Variants in VPS13B observed in about 807,000 individuals in gnomAD.
VPS13B encodes intermembrane lipid transfer protein VPS13B.
VPS13B carries 285 observed loss-of-function variants against 426.4 expected under a neutral mutation model. The observed-to-expected ratio is 0.67, with a 90% CI of 0.61 to 0.74. The LOEUF (loss-of-function observed/expected upper bound fraction) is 0.74, where lower values mean the gene tolerates loss of function less well. VPS13B is among the 30% of genes least tolerant of loss of function. The probability of loss-of-function intolerance (pLI) is 0.00; values close to 1 mark genes in which losing one functional copy is unlikely to be tolerated. For synonymous variants in VPS13B, 1,676 were observed against 1,676.4 expected (o/e 1.00, Z 0.01); for missense variants, 4,537 against 4,782.6 (o/e 0.95, Z 1.51).
intron 30 of VPS13B, among the ~76,000 whole-genome samples, chr8:99,525,962 G>T (rs1822618139): frequency 6.6e-6 from 1 of 152,162 alleles, no homozygotes; most frequent in South Asian, 2.1e-4. Flanking sequence ...CATTATGGAA[G>T]ATCCATATAG....
intron 3 of VPS13B, among the ~76,000 whole-genome samples, chr8:99,083,715 CAT>C (rs1251545466): frequency 3.1e-5 from 4 of 128,638 alleles, no homozygotes; most frequent in African/African-American, 1.2e-4. Flanking sequence ...TTGAGATAAT[CAT>C]ATGGTTTTTG....
chr8:99,385,187 G>A (rs374190631), intron 20 of VPS13B, among the ~76,000 whole-genome samples: 16 of 152,062 alleles, frequency 1.1e-4, no homozygotes, highest in East Asian at 3.9e-4. Context: ...TATTATTTTC[G>A]TTTTAAAGAT....
At chr8:99,673,168 CT>C (rs1830788484) in intron 35 of VPS13B, among the ~76,000 whole-genome samples, 1 of 151,994 alleles carries the variant, frequency 6.6e-6, no homozygotes, top group African/African-American at 2.4e-5. Context: ...ATATTTCCCT[CT>C]CTTCAGTTTT....
chr8:99,715,726 A>G (rs964948620), intron 36 of VPS13B, among the ~76,000 whole-genome samples: 2 of 152,198 alleles, frequency 1.3e-5, no homozygotes, highest in Non-Finnish European at 2.9e-5. Flanking sequence ...CAATCCTGAC[A>G]TTCTGTTAAT....
At chr8:99,309,835 G>C (rs1820855254) in intron 19 of VPS13B, among the ~76,000 whole-genome samples, 1 of 152,296 alleles carries the variant, frequency 6.6e-6, no homozygotes, top group Middle Eastern at 3.4e-3. Context: ...TCTTCCATTT[G>C]TTTGTGTCAT....
At chr8:99,092,993 A>G (rs1206450035) in intron 3 of VPS13B, among the ~76,000 whole-genome samples, 1 of 151,296 alleles carries the variant, frequency 6.6e-6, no homozygotes, top group Non-Finnish European at 1.5e-5. Context: ...TACATTTTGT[A>G]TACTTTGGTA....
intron 19 of VPS13B, among the ~76,000 whole-genome samples, chr8:99,318,438 A>G (rs554732566): frequency 2.6e-5 from 4 of 152,026 alleles, no homozygotes; most frequent in African/African-American, 4.8e-5. Flanking sequence ...GACAAAGAAA[A>G]GAATAAACAA....
intron 33 of VPS13B, among the ~76,000 whole-genome samples, chr8:99,585,311 G>T (rs1453509383): frequency 6.6e-6 from 1 of 152,078 alleles, no homozygotes; most frequent in Admixed American, 6.6e-5. Flanking sequence ...TAGAAGAAAT[G>T]GTATTTTAAT....
At chr8:99,626,289 C>T (rs1315539744) in intron 33 of VPS13B, among the ~76,000 whole-genome samples, 2 of 152,146 alleles carry the variant, frequency 1.3e-5, no homozygotes, top group Non-Finnish European at 2.9e-5. Flanking sequence ...CATGTTATAA[C>T]ATGGATGAGC....
At chr8:99,371,625 G>GT (rs1459210181) in intron 19 of VPS13B, among the ~76,000 whole-genome samples, 1 of 152,172 alleles carries the variant, frequency 6.6e-6, no homozygotes, top group Non-Finnish European at 1.5e-5. Flanking sequence ...CAGTGGTAGC[G>GT]TAATGGGAAT....
intron 43 of VPS13B, among the ~76,000 whole-genome samples, chr8:99,788,295 G>T (rs942054395): frequency 1.2e-4 from 18 of 144,486 alleles, no homozygotes; most frequent in African/African-American, 1.8e-4. Flanking sequence ...CATACCTGTA[G>T]TTCTAGCTAC....
chr8:99,096,528 G>T lies in VPS13B; in HGVS notation c.412+96G>T, dbSNP rs985937494. The T allele has an allele frequency of 3.9e-6, 6 of 1,543,642 alleles. No individual in the cohort carries two copies. The African/African-American group carries it at 8.2e-5, about 21-fold the overall frequency. On this transcript the variant is annotated intron_variant, in intron 4 of 61. Coordinates refer to ENST00000357162, the MANE Select transcript of VPS13B (RefSeq NM_152564.5). Reference sequence around the variant, plus strand: ...CCCAGTGCTTTGGGGGGCTGAGGCGGGTGGATTACTTGAGGTCAGGAGTTT... The same window carrying T: ...CCCAGTGCTTTGGGGGGCTGAGGCGTGTGGATTACTTGAGGTCAGGAGTTT...
intron 17 of VPS13B, among the ~76,000 whole-genome samples, chr8:99,203,774 A>T (rs966315118): frequency 6.6e-6 from 1 of 152,218 alleles, no homozygotes; most frequent in Admixed American, 6.5e-5. Context: ...TACAAAGAGA[A>T]TAAAATACCT....
intron 19 of VPS13B, among the ~76,000 whole-genome samples, chr8:99,297,008 A>T (rs1010597334): frequency 9.3e-5 from 14 of 151,132 alleles, no homozygotes; most frequent in African/African-American, 3.4e-4. Context: ...TTGTGTATTT[A>T]TATATATATA....
chr8:99,825,653 T>C (rs1230893010), intron 51 of VPS13B, among the ~76,000 whole-genome samples: 2 of 152,264 alleles, frequency 1.3e-5, no homozygotes, highest in Non-Finnish European at 2.9e-5. Flanking sequence ...CCCATGCCTA[T>C]GTCCTGAATG....
At chr8:99,066,098 T>C (rs1587988375) in intron 3 of VPS13B, among the ~76,000 whole-genome samples, 1 of 152,236 alleles carries the variant, frequency 6.6e-6, no homozygotes, top group Admixed American at 6.5e-5. Flanking sequence ...ATAGATTCAA[T>C]GCCATCCCCA....
rs189383852 is a variant in VPS13B at position 99,630,767 on chromosome 8, G to A, written c.5221-11044G>A. Reference sequence around the variant, plus strand: ...TATAAGTAAATATTGAAAGTGTTCTGAGAGTAATCTGGCAGTGCTATATGG... The same window carrying A: ...TATAAGTAAATATTGAAAGTGTTCTAAGAGTAATCTGGCAGTGCTATATGG... On this transcript the variant is annotated intron_variant, in intron 33 of 61. Transcript: ENST00000357162. 9.1e-4 allele frequency among the ~76,000 whole-genome samples: 139 copies of A among 152,204 alleles called. 1 individual carries two copies. Among genetic ancestry groups the A allele is most frequent in the African/African-American group, 2.8e-3 (117 of 41,540 alleles).
At chr8:99,872,895 C>A (rs1485118389) in intron 61 of VPS13B, among the ~76,000 whole-genome samples, 1 of 152,194 alleles carries the variant, frequency 6.6e-6, no homozygotes, top group Non-Finnish European at 1.5e-5. Flanking sequence ...CTTAAGATTT[C>A]TCTAGTTTCT....
chr8:99,222,707 G>A (rs1262709935), intron 17 of VPS13B, among the ~76,000 whole-genome samples: 1 of 152,116 alleles, frequency 6.6e-6, no homozygotes, highest in Non-Finnish European at 1.5e-5. Flanking sequence ...GACCGTATGG[G>A]TGCTTTGTTA....
Sources: allele counts gnomAD v4.1 joint callset (sites outside exome capture counted in the v4.1 genomes callset), GRCh38; gene constraint gnomAD v4.1.1; transcripts MANE v1.5; gene names NCBI Gene and HGNC (gene_info 2026-07-23, HGNC 2026-07-21).